TMEM87A: variants seen among roughly 807,000 people sequenced by gnomAD.
The protein encoded by TMEM87A is transmembrane protein 87A, also known as Golgi-pH regulating cation channel.
Under a neutral mutation model 90.0 loss-of-function variants are expected in TMEM87A, and 50 were observed. That is an observed-to-expected ratio of 0.56 (90% CI 0.44 to 0.70). TMEM87A has a LOEUF of 0.70. TMEM87A is among the 30% of genes least tolerant of loss of function. The probability of loss-of-function intolerance (pLI) is 0.00; values close to 1 mark genes in which losing one functional copy is unlikely to be tolerated. For synonymous variants in TMEM87A, 226 were observed against 226.7 expected (o/e 1.00, Z 0.03); for missense variants, 577 against 660.5 (o/e 0.87, Z 1.39).
chr15:42,270,362 T>C (rs1200252341), intron 2 of TMEM87A, among the ~76,000 whole-genome samples: 1 of 148,804 alleles, frequency 6.7e-6, no homozygotes, highest in Non-Finnish European at 1.5e-5. Context: ...ACAGCAAAAC[T>C]CCGTCTCAAA....
At chr15:42,255,378 T>C (rs997492136) in intron 6 of TMEM87A, among the ~76,000 whole-genome samples, 8 of 152,096 alleles carry the variant, frequency 5.3e-5, no homozygotes, top group Non-Finnish European at 1.0e-4. Context: ...GTGATCTGTC[T>C]GCCTGGGCCT....
At chr15:42,268,547 G>C (rs1461807632) in intron 2 of TMEM87A, among the ~76,000 whole-genome samples, 1 of 151,978 alleles carries the variant, frequency 6.6e-6, no homozygotes, top group Non-Finnish European at 1.5e-5. Flanking sequence ...CATGCTTGTA[G>C]TCCCAGCTAC....
Position 42,267,977 on chromosome 15 carries a change from A to G in TMEM87A, c.261T>C (p.Ala87=), listed in dbSNP as rs373867884. ...AGTTATAGATTTCATTGTAACAATC[A>G]GCGCTTTTCAGATACCAGGTTATAT... ...SLNITWYLKS[A]DCYNEIYNFK... is the part of the protein sequence containing the mutation. The change falls in exon 3 of 20, where the codon GCT becomes GCC. Residue 87 remains alanine (A), a synonymous_variant. Transcript: ENST00000389834. 154 of 1,613,676 alleles carry G rather than the reference A, an allele frequency of 9.5e-5. No individual in the cohort carries two copies. The Middle Eastern group carries it at 9.9e-4, about 10-fold the overall frequency.
chr15:42,271,025 A>G (rs981689869), intron 2 of TMEM87A, among the ~76,000 whole-genome samples: 8 of 152,256 alleles, frequency 5.3e-5, no homozygotes, highest in African/African-American at 1.9e-4. Flanking sequence ...GACAGTATGC[A>G]TAGAATCACA....
intron 4 of TMEM87A, among the ~76,000 whole-genome samples, chr15:42,263,488 T>G (rs929951883): frequency 6.6e-6 from 1 of 152,170 alleles, no homozygotes; most frequent in African/African-American, 2.4e-5. Context: ...CTCACACCTG[T>G]AATCCCAGCA....
rs759878652 is a variant in TMEM87A, at chr15:42,227,802, G to A, written c.1241-33C>T. On this transcript the variant is annotated intron_variant, in intron 13 of 19. Transcript: ENST00000389834. ...TAAATGAAAAACCAGGTCAGAGTATGAATGCTGGTTTACATCCCCAATTAC... is the reference window on the plus strand; with the variant it reads ...TAAATGAAAAACCAGGTCAGAGTATAAATGCTGGTTTACATCCCCAATTAC... 13 of 1,600,790 alleles carry A rather than the reference G, an allele frequency of 8.1e-6. No homozygotes were observed. In the Admixed American group the frequency reaches 1.5e-4, roughly 18 times the overall value.
chr15:42,263,619 G>A (rs188458132), intron 4 of TMEM87A, among the ~76,000 whole-genome samples: 2 of 152,248 alleles, frequency 1.3e-5, no homozygotes, highest in East Asian at 3.9e-4. Context: ...GTAATGGTGT[G>A]AATCTGTAGC....
At position 42,254,964 on chromosome 15, in the gene TMEM87A, CTT is replaced by C. The variant is rs60449122; in HGVS notation, c.504+5992_504+5993del. On this transcript the variant is annotated intron_variant, in intron 6 of 19. Coordinates refer to ENST00000389834, the MANE Select transcript of TMEM87A (RefSeq NM_015497.5). ...ATAGACACAGCATGTGGGAGGTCTC[CTT>C]TTTTTTTTTTTTTTTTGAGACAGAG... 9.3e-3 allele frequency among the ~76,000 whole-genome samples: 1,168 copies of C among 125,382 alleles called. 7 individuals are homozygous for C. The highest frequency in any genetic ancestry group is 0.019 in the African/African-American group (675 of 34,980). 82.3% of individuals were successfully genotyped at this position (125,382 alleles called of 152,430 possible). A position where few individuals can be genotyped will look rare whatever the true frequency, so the allele number is the denominator to read the frequency against.
At chr15:42,264,050 T>C (rs1174939237) in intron 4 of TMEM87A, 40 bp downstream of exon 4, 3 of 1,502,764 alleles carry the variant, frequency 2.0e-6, no homozygotes, top group East Asian at 2.3e-5. Context: ...ATTCCAATTT[T>C]TGCCTATTCT....
chr15:42,253,199 C>T lies in TMEM87A; in HGVS notation c.504+7759G>A, dbSNP rs191190747. Among the ~76,000 whole-genome samples the T allele has an allele frequency of 1.0e-3, 157 of 152,312 alleles. 1 individual carries two copies. In the South Asian group the frequency reaches 0.019, roughly 18 times the overall value. On this transcript the variant is annotated intron_variant, in intron 6 of 19. Transcript: ENST00000389834. ...AATTAAAGCCATTCCTTATTCTTCA[C>T]TTTTTGCTTGTACAGAGCCAGAATG...
chr15:42,269,693 T>C lies in TMEM87A; in HGVS notation c.206-1661A>G, dbSNP rs563252077. On this transcript the variant is annotated intron_variant, in intron 2 of 19. Transcript: ENST00000389834. Reference sequence around the variant, plus strand: ...GGCTCACGCCTGTAATCCCAGCACTTTGGGAGGCCGAGGCGGGTGGATCAT... The same window carrying C: ...GGCTCACGCCTGTAATCCCAGCACTCTGGGAGGCCGAGGCGGGTGGATCAT... Among the ~76,000 whole-genome samples the C allele has an allele frequency of 4.2e-4, 63 of 150,386 alleles. 1 individual carries two copies. The highest frequency in any genetic ancestry group is 1.5e-3 in the South Asian group (7 of 4,666).
chr15:42,221,749 G>T (rs1218683699), intron 15 of TMEM87A, among the ~76,000 whole-genome samples: 1 of 151,920 alleles, frequency 6.6e-6, no homozygotes, highest in Non-Finnish European at 1.5e-5. Context: ...CAACACCAAA[G>T]GCTTTTAAAA....
chr15:42,269,852 C>T (rs1177396235), intron 2 of TMEM87A, among the ~76,000 whole-genome samples: 1 of 133,772 alleles, frequency 7.5e-6, no homozygotes, highest in Non-Finnish European at 1.6e-5. Context: ...AGGAGAATGG[C>T]GTGAACCTGG....
chr15:42,234,650 C>T (rs2050741855), intron 10 of TMEM87A, among the ~76,000 whole-genome samples: 2 of 152,210 alleles, frequency 1.3e-5, no homozygotes, highest in Non-Finnish European at 2.9e-5. Context: ...TATAGCATTA[C>T]TTAATCCCAC....
intron 1 of TMEM87A, chr15:42,273,047 T>G: frequency 2.9e-6 from 2 of 680,614 alleles, no homozygotes; most frequent in South Asian, 3.2e-5. Flanking sequence ...GTTGCTGAAG[T>G]GGCCCTTACA....
rs1595717086 is a variant in TMEM87A at position 42,230,701 on chromosome 15, C to T, written c.1131+491G>A. 3.3e-5 allele frequency among the ~76,000 whole-genome samples: 5 copies of T among 152,196 alleles called. No homozygotes were observed. The South Asian group carries it at 1.0e-3, about 31-fold the overall frequency. On this transcript the variant is annotated intron_variant, in intron 12 of 19. Coordinates refer to ENST00000389834, the MANE Select transcript of TMEM87A (RefSeq NM_015497.5). ...CTTTTGAATGAGGCAAGAAAACACT[C>T]ACTCCATAAGGGTTAAAACCTGCTG...
intron 7 of TMEM87A, among the ~76,000 whole-genome samples, chr15:42,240,094 A>T: frequency 6.6e-6 from 1 of 152,324 alleles, no homozygotes; most frequent in East Asian, 1.9e-4. Context: ...AACATACTTC[A>T]TATATACTTT....
chr15:42,218,403 T>A, intron 17 of TMEM87A, 25 bp from the exon 18 acceptor site: 1 of 1,610,964 alleles, frequency 6.2e-7, no homozygotes, highest in Non-Finnish European at 8.5e-7. Context: ...ATACCACTCA[T>A]TACTAAAATG....
At chr15:42,226,767 C>A in intron 15 of TMEM87A, 39 bp downstream of exon 15, 1 of 1,550,808 alleles carries the variant, frequency 6.4e-7, no homozygotes, top group South Asian at 1.1e-5. Flanking sequence ...ATGACATGGT[C>A]ATCTCATGTT....
Sources: gnomAD v4.1 joint callset for allele counts (sites outside exome capture counted in the v4.1 genomes callset) on GRCh38, gnomAD v4.1.1 for gene constraint, MANE v1.5 for transcripts, NCBI Gene and HGNC (gene_info 2026-07-23, HGNC 2026-07-21) for gene names.